The following ADAM22 variants were observed in gnomAD, a reference collection of about 807,000 sequenced individuals.
ADAM22 encodes ADAM metallopeptidase domain 22, also known as disintegrin and metalloproteinase domain-containing protein 22.
Under a neutral mutation model 144.6 loss-of-function variants are expected in ADAM22, and 65 were observed. The ratio of observed to expected loss-of-function variants is 0.45; its 90% CI spans 0.37 to 0.55. ADAM22 has a LOEUF of 0.55. ADAM22 is among the 20% of genes least tolerant of loss of function. ADAM22 has a pLI of 0.00. For synonymous variants in ADAM22, 391 were observed against 412.6 expected (o/e 0.95, Z 0.63); for missense variants, 974 against 1,184.9 (o/e 0.82, Z 2.61).
intron 2 of ADAM22, among the ~76,000 whole-genome samples, chr7:87,966,971 G>A (rs1485367259): frequency 6.6e-6 from 1 of 151,902 alleles, no homozygotes; most frequent in Non-Finnish European, 1.5e-5. Flanking sequence ...ATTGAATGAT[G>A]GGGATGGTTA....
At chr7:88,064,982 A>ATTG (rs1322836257) in intron 3 of ADAM22, among the ~76,000 whole-genome samples, 2 of 152,098 alleles carry the variant, frequency 1.3e-5, no homozygotes, top group Non-Finnish European at 2.9e-5. Flanking sequence ...GGTGCTCAAA[A>ATTG]TTGTTAACTA....
At chr7:88,116,934 A>T (rs1827904441) in intron 7 of ADAM22, 120 bp downstream of exon 7, 4 of 700,908 alleles carry the variant, frequency 5.7e-6, no homozygotes, top group Non-Finnish European at 9.3e-6. Flanking sequence ...ACATTTTTAG[A>T]GGGAGAGCCA....
intron 4 of ADAM22, among the ~76,000 whole-genome samples, chr7:88,104,932 A>C (rs1441955481): frequency 1.3e-5 from 2 of 152,008 alleles, no homozygotes; most frequent in Admixed American, 6.6e-5. Context: ...ATCATCTGCT[A>C]TTTTTGGCTT....
chr7:88,165,281 T>G (rs950547489), intron 23 of ADAM22, among the ~76,000 whole-genome samples: 1 of 152,118 alleles, frequency 6.6e-6, no homozygotes, highest in Admixed American at 6.6e-5. Context: ...TGGGAGTTCT[T>G]AGTTCCCCTG....
rs183497022 is a variant in ADAM22 at position 88,132,862 on chromosome 7, A to T, written c.993-5A>T. 6.2e-7 allele frequency: 1 copy of T among 1,613,350 alleles called. No individual in the cohort carries two copies. Among genetic ancestry groups the T allele is most frequent in the East Asian group, 2.2e-5 (1 of 44,848 alleles). On this transcript the variant is annotated splice_region_variant and splice_polypyrimidine_tract_variant and intron_variant, in intron 11 of 31. Transcript: ENST00000413139. ...GTAAGCATTTTTCATTTCCTTTTCT[A>T]AAAGGGGAAGTCAATTTGAGAGTAG...
chr7:88,101,294 A>G (rs763763188), intron 4 of ADAM22, among the ~76,000 whole-genome samples: 57 of 152,186 alleles, frequency 3.7e-4, no homozygotes, highest in Non-Finnish European at 6.6e-4. Flanking sequence ...TGAGCTTCCC[A>G]AACTGCATGG....
At position 88,125,633 on chromosome 7, in the gene ADAM22, C is replaced by A; in HGVS notation, c.652C>A (p.Pro218Thr). 1.3e-6 allele frequency: 2 copies of A among 1,589,740 alleles called. No individual in the cohort carries two copies. The highest frequency in any genetic ancestry group is 1.8e-5 in the Admixed American group (1 of 54,940). Residue 218 changes from proline (P) to threonine (T), a missense_variant, in exon 8 of 32, where the codon CCA becomes ACA. Physicochemically the swap from Pro to Thr is conservative, Grantham distance 38 (BLOSUM62 -1). This residue lies in a region of ADAM22 where 734 missense variants were observed against 950.6 expected (regional missense o/e 0.77). Coordinates refer to ENST00000413139, the MANE Select transcript of ADAM22 (RefSeq NM_001324418.2). ...TACTCCATCAAAATTTATTTTGAAG[C>A]CAAGACCAAAAAGGAGTAAACGGCA... The part of the protein sequence containing the change: ...NITPSKFILK[P>T]RPKRSKRQLR...
chr7:88,037,846 C>T (rs1312269780), intron 3 of ADAM22, among the ~76,000 whole-genome samples: 1 of 152,108 alleles, frequency 6.6e-6, no homozygotes, highest in Non-Finnish European at 1.5e-5. Flanking sequence ...ATAATATAGC[C>T]ATATGTACTA....
chr7:88,133,011 A>C, intron 12 of ADAM22, 60 bp downstream of exon 12: 5 of 1,457,462 alleles, frequency 3.4e-6, no homozygotes, highest in Non-Finnish European at 3.8e-6. Flanking sequence ...TTTTCCTCAT[A>C]CTTAAGAGAT....
intron 3 of ADAM22, among the ~76,000 whole-genome samples, chr7:87,979,578 G>A (rs1188134159): frequency 1.3e-5 from 2 of 152,026 alleles, no homozygotes; most frequent in Non-Finnish European, 2.9e-5. Flanking sequence ...TTGATGTATG[G>A]CCATCTAATA....
intron 3 of ADAM22, among the ~76,000 whole-genome samples, chr7:87,983,366 T>TA (rs1326502551): frequency 6.6e-6 from 1 of 152,144 alleles, no homozygotes; most frequent in Non-Finnish European, 1.5e-5. Context: ...TTTTTGTTTT[T>TA]ATAGGCCCTG....
intron 2 of ADAM22, among the ~76,000 whole-genome samples, chr7:87,959,551 G>A (rs1847584519): frequency 6.6e-6 from 1 of 152,204 alleles, no homozygotes; most frequent in Admixed American, 6.5e-5. Context: ...TGGTCTCACT[G>A]CAGGTGTTTC....
intron 1 of ADAM22, chr7:87,934,783 G>C (rs1005014232): frequency 3.0e-6 from 2 of 662,286 alleles, no homozygotes; most frequent in African/African-American, 3.7e-5. Context: ...TTCTGAAGAG[G>C]AATGGGGAGA....
At chr7:88,071,845 A>C (rs2129479050) in intron 3 of ADAM22, among the ~76,000 whole-genome samples, 1 of 152,294 alleles carries the variant, frequency 6.6e-6, no homozygotes. Flanking sequence ...AGTGAATTCT[A>C]CCTGACCCAT....
chr7:88,088,465 C>G (rs1818979551), intron 4 of ADAM22, among the ~76,000 whole-genome samples: 1 of 150,426 alleles, frequency 6.6e-6, no homozygotes, highest in Admixed American at 6.6e-5. Context: ...TTTAAAAATC[C>G]TGCCTTAATC....
intron 3 of ADAM22, among the ~76,000 whole-genome samples, chr7:88,047,398 T>G (rs563448141): frequency 6.6e-6 from 1 of 152,354 alleles, no homozygotes; most frequent in Non-Finnish European, 1.5e-5. Flanking sequence ...TTGACTGTTC[T>G]AATTCACCAA....
intron 4 of ADAM22, among the ~76,000 whole-genome samples, chr7:88,077,908 C>A (rs958411528): frequency 6.6e-6 from 1 of 152,238 alleles, no homozygotes; most frequent in Non-Finnish European, 1.5e-5. Context: ...GTAGGCTCCA[C>A]CTCTGGGGGC....
intron 13 of ADAM22, among the ~76,000 whole-genome samples, 183 bp downstream of exon 13, chr7:88,134,602 G>A (rs1240141950): frequency 6.6e-6 from 1 of 152,088 alleles, no homozygotes; most frequent in African/African-American, 2.4e-5. Flanking sequence ...TACATTATAG[G>A]TGGAAATTTC....
At chr7:88,070,245 A>G (rs1812369808) in intron 3 of ADAM22, among the ~76,000 whole-genome samples, 1 of 152,170 alleles carries the variant, frequency 6.6e-6, no homozygotes, top group African/African-American at 2.4e-5. Flanking sequence ...CTATGGGACA[A>G]TGCACTGAAG....
Sources: allele counts gnomAD v4.1 joint callset (sites outside exome capture counted in the v4.1 genomes callset), GRCh38; gene constraint gnomAD v4.1.1; regional missense constraint gnomAD v4.1.1; transcripts MANE v1.5; gene names NCBI Gene and HGNC (gene_info 2026-07-23, HGNC 2026-07-21).